Variants in MYO6 observed in about 807,000 individuals in gnomAD.
MYO6 encodes the protein myosin VI, also known as unconventional myosin-VI.
A neutral mutation model predicts 178.7 loss-of-function variants in MYO6; 74 were observed. The ratio of observed to expected loss-of-function variants is 0.41; its 90% CI spans 0.34 to 0.50. The LOEUF is 0.50. Among genes scored for constraint, MYO6 ranks in the 20% least tolerant of loss-of-function variants. The pLI is 0.09. For missense variants in MYO6, 1,330 were observed against 1,547.4 expected (o/e 0.86, Z 2.36); for synonymous variants, 477 against 504.6 (o/e 0.95, Z 0.73).
chr6:75,795,899 A>G (rs796670648), intron 1 of MYO6, among the ~76,000 whole-genome samples: 6 of 152,358 alleles, frequency 3.9e-5, no homozygotes, highest in African/African-American at 1.4e-4. Flanking sequence ...GAGTAATAGC[A>G]TTATTAAAAG....
intron 6 of MYO6, among the ~76,000 whole-genome samples, chr6:75,834,521 C>A (rs913691701): frequency 3.9e-5 from 6 of 152,134 alleles, no homozygotes; most frequent in African/African-American, 1.4e-4. Context: ...GCATGAGCCA[C>A]CATGCCTGGC....
chr6:75,908,496 A>G lies in MYO6; in HGVS notation c.3281A>G (p.Asp1094Gly), dbSNP rs1780518068. The G allele has an allele frequency of 6.2e-6, 10 of 1,613,210 alleles. No homozygotes were observed. Among genetic ancestry groups the G allele is most frequent in the East Asian group, 2.2e-5 (1 of 44,778 alleles). The change falls in exon 32 of 35, where the codon GAT becomes GGT. Residue 1094 changes from aspartate to glycine, a missense_variant and splice_region_variant. Physicochemically the swap from Asp to Gly is moderately conservative, Grantham distance 94. This residue lies in a region of MYO6 where 601 missense variants were observed against 626.1 expected (regional missense o/e 0.96). Transcript: ENST00000369977. ...TTTTTTTGCTCAATGTAATCAATAG[A>G]TATTGAGCTCCTGGCAGCTTGCAGA... is the stretch of plus-strand genomic sequence containing the variant. The part of the protein sequence containing the change: ...ELRDTINTSC[D>G]IELLAACREE...
At chr6:75,879,783 G>A in intron 20 of MYO6, 37 bp from the exon 21 acceptor site, 1 of 1,614,076 alleles carries the variant, frequency 6.2e-7, no homozygotes, top group South Asian at 1.1e-5. Flanking sequence ...CTTCCGAACA[G>A]TGATTGACAG....
At position 75,913,237 on chromosome 6, in the gene MYO6, G is replaced by A. The variant is rs150211892; in HGVS notation, c.3440-826G>A. ...TTGCCCCAGGGAAATGTTTACATTT[G>A]CAGATAAAAGAAAAACCTAATTGTT... On this transcript the variant is annotated intron_variant, in intron 33 of 34. Transcript: ENST00000369977. 1.7e-3 allele frequency among the ~76,000 whole-genome samples: 259 copies of A among 152,208 alleles called. 2 individuals are homozygous for A. Among genetic ancestry groups the A allele is most frequent in the African/African-American group, 5.9e-3 (245 of 41,550 alleles).
At chr6:75,758,694 G>C (rs551895492) in intron 1 of MYO6, among the ~76,000 whole-genome samples, 20 of 152,194 alleles carry the variant, frequency 1.3e-4, no homozygotes, top group Non-Finnish European at 2.2e-4. Flanking sequence ...TCCTGACCTC[G>C]TGATCTGCCC....
At chr6:75,872,031 A>G (rs920793103) in intron 19 of MYO6, among the ~76,000 whole-genome samples, 8 of 152,136 alleles carry the variant, frequency 5.3e-5, no homozygotes, top group African/African-American at 1.9e-4. Flanking sequence ...TGGGAGGCTG[A>G]GGCAGAAGAA....
intron 1 of MYO6, among the ~76,000 whole-genome samples, chr6:75,768,494 C>T (rs1199036022): frequency 6.6e-6 from 1 of 151,822 alleles, no homozygotes; most frequent in Non-Finnish European, 1.5e-5. Context: ...GATTCTCCTG[C>T]CTCAGCCTCC....
chr6:75,825,106 A>T (rs1291432926), intron 3 of MYO6, among the ~76,000 whole-genome samples: 1 of 152,148 alleles, frequency 6.6e-6, no homozygotes, highest in African/African-American at 2.4e-5. Flanking sequence ...AGAAATTAGT[A>T]TGTTAATTTT....
chr6:75,836,769 G>A (rs1226683458), intron 7 of MYO6, among the ~76,000 whole-genome samples: 2 of 152,008 alleles, frequency 1.3e-5, no homozygotes, highest in Non-Finnish European at 1.5e-5. Flanking sequence ...TTTTAGTAGA[G>A]ATGGGGTTTC....
intron 1 of MYO6, among the ~76,000 whole-genome samples, chr6:75,790,959 A>G (rs1583086903): frequency 6.6e-6 from 1 of 152,054 alleles, no homozygotes; most frequent in African/African-American, 2.4e-5. Context: ...TTTGAGATGG[A>G]ATCTTGCTGT....
chr6:75,832,814 C>G (rs767881103), intron 5 of MYO6, 28 bp from the exon 6 acceptor site: 1 of 1,325,676 alleles, frequency 7.5e-7, no homozygotes, highest in Non-Finnish European at 1.1e-6. Flanking sequence ...ATATATTGCT[C>G]ATCATTAATG....
intron 29 of MYO6, among the ~76,000 whole-genome samples, chr6:75,896,804 G>A (rs1779344416): frequency 6.6e-6 from 1 of 152,094 alleles, no homozygotes; most frequent in African/African-American, 2.4e-5. Context: ...TCTCTGAGTG[G>A]GCACTCTTGC....
chr6:75,857,210 A>C lies in MYO6; in HGVS notation c.1337A>C (p.Glu446Ala), dbSNP rs757929396. 6.2e-7 allele frequency: 1 copy of C among 1,614,004 alleles called. No individual in the cohort carries two copies. Among genetic ancestry groups the C allele is most frequent in the Non-Finnish European group, 8.5e-7 (1 of 1,179,880 alleles). ...VNRVNQCFPFETSSYFIGVLD... is the reference protein window; with the variant it reads ...VNRVNQCFPFATSSYFIGVLD... ...AGAGTAAATCAGTGTTTTCCTTTTG[A>C]AACATCATCCTATTTTATTGGAGTC... is the stretch of plus-strand genomic sequence containing the variant. Residue 446 changes from glutamate (E) to alanine (A), a missense_variant, in exon 13 of 35, where the codon GAA (glutamate) becomes GCA (alanine). By Grantham distance (107) the Glu-to-Ala change is moderately radical. Transcript: ENST00000369977.
intron 1 of MYO6, among the ~76,000 whole-genome samples, chr6:75,775,012 T>G (rs191448101): frequency 1.6e-4 from 25 of 152,184 alleles, no homozygotes; most frequent in African/African-American, 5.5e-4. Flanking sequence ...TAGGGTGGTG[T>G]TGAACTCCTG....
At chr6:75,764,934 G>A (rs186428231) in intron 1 of MYO6, among the ~76,000 whole-genome samples, 15 of 151,584 alleles carry the variant, frequency 9.9e-5, no homozygotes, top group Admixed American at 1.3e-4. Flanking sequence ...AGGAGGTGGA[G>A]CTTGCAGTGA....
At chr6:75,894,253 G>C (rs1779123385) in intron 28 of MYO6, among the ~76,000 whole-genome samples, 1 of 152,154 alleles carries the variant, frequency 6.6e-6, no homozygotes, top group Admixed American at 6.5e-5. Flanking sequence ...CTTCCAGGTT[G>C]AGAAGAGTGG....
chr6:75,812,629 A>G (rs898148540), intron 1 of MYO6, among the ~76,000 whole-genome samples: 4 of 149,838 alleles, frequency 2.7e-5, no homozygotes, highest in Admixed American at 6.6e-5. Context: ...GTATCATTCT[A>G]CTCCCTATCT....
chr6:75,827,161 G>A (rs556106467), intron 3 of MYO6, among the ~76,000 whole-genome samples: 1 of 152,162 alleles, frequency 6.6e-6, no homozygotes, highest in Admixed American at 6.5e-5. Context: ...AACCAGATAT[G>A]TAAAATTATC....
In MYO6 at chr6:75,825,851, A is replaced by G. The variant is rs1772412892; in HGVS notation, c.188-2689A>G. 3.3e-5 allele frequency among the ~76,000 whole-genome samples: 5 copies of G among 152,272 alleles called. No individual in the cohort carries two copies. The South Asian group carries it at 1.0e-3, about 32-fold the overall frequency. On this transcript the variant is annotated intron_variant, in intron 3 of 34. Transcript: ENST00000369977. Reference sequence around the variant, plus strand: ...CCTAATCTTCATTAGAAACTTTTGTATATGTTATATATTTATTTATTAAAA... The same window carrying G: ...CCTAATCTTCATTAGAAACTTTTGTGTATGTTATATATTTATTTATTAAAA...
Sources: gnomAD v4.1 joint callset for allele counts (sites outside exome capture counted in the v4.1 genomes callset) on GRCh38, gnomAD v4.1.1 for gene constraint, gnomAD v4.1.1 regional missense constraint, MANE v1.5 for transcripts, NCBI Gene and HGNC (gene_info 2026-07-23, HGNC 2026-07-21) for gene names.